Variants in KDM4C observed in about 807,000 individuals in gnomAD.
KDM4C encodes the protein lysine-specific demethylase 4C.
In KDM4C, 81 loss-of-function variants were observed where a neutral mutation model predicts 129.3. That is an observed-to-expected ratio of 0.63 (90% CI 0.52 to 0.75). The LOEUF is 0.75. KDM4C is among the 30% of genes least tolerant of loss of function. The pLI is 0.00. For synonymous variants in KDM4C, 573 were observed against 456.1 expected (o/e 1.26, Z -3.26); for missense variants, 1,457 against 1,304.0 (o/e 1.12, Z -1.81).
chr9:6,904,462 T>G (rs892177921), intron 8 of KDM4C, among the ~76,000 whole-genome samples: 2 of 151,714 alleles, frequency 1.3e-5, no homozygotes, highest in African/African-American at 4.8e-5. Context: ...TAAGAGTTCA[T>G]TGCACAGATC....
chr9:7,062,241 T>TA, intron 17 of KDM4C, among the ~76,000 whole-genome samples: 1 of 152,344 alleles, frequency 6.6e-6, no homozygotes. Context: ...GTGCTGGGAT[T>TA]ACAGGTGTGA....
At chr9:6,928,215 C>G (rs62533761) in intron 8 of KDM4C, among the ~76,000 whole-genome samples, 2 of 152,224 alleles carry the variant, frequency 1.3e-5, no homozygotes, top group African/African-American at 2.4e-5. Context: ...CTATACTCAC[C>G]TTGTTTTCTT....
rs544790811 is a variant in KDM4C, at chr9:6,847,523, TG to T, written c.436-1981del. Among the ~76,000 whole-genome samples, 16 of 152,212 alleles carry T rather than the reference TG, an allele frequency of 1.1e-4. No individual in the cohort carries two copies. In the South Asian group the frequency reaches 2.9e-3, roughly 28 times the overall value. On this transcript the variant is annotated intron_variant, in intron 4 of 21. Transcript: ENST00000381309. ...CTCCTGCCTCAGCCTCCCGAGTGGC[TG>T]GGACTACAGACGCCCGCCACCAGGC...
In KDM4C at chr9:7,006,913, C is replaced by G. The variant is rs1347533515; in HGVS notation, c.1787-4785C>G. Among the ~76,000 whole-genome samples, 4 of 151,982 alleles carry G rather than the reference C, an allele frequency of 2.6e-5. No individual in the cohort carries two copies. In the East Asian group the frequency reaches 7.7e-4, roughly 29 times the overall value. On this transcript the variant is annotated intron_variant, in intron 12 of 21. Transcript: ENST00000381309. ...CAGGAGTTTCATCTATAGGCAAGTT[C>G]GTTTATAAAATGAAACAGTTTATAA...
intron 19 of KDM4C, among the ~76,000 whole-genome samples, chr9:7,145,752 A>G (rs1289368805): frequency 6.6e-6 from 1 of 152,238 alleles, no homozygotes; most frequent in Non-Finnish European, 1.5e-5. Context: ...TCTTTCGCTT[A>G]AGTTTCTTAA....
At chr9:6,764,449 T>G (rs1460770906) in intron 1 of KDM4C, among the ~76,000 whole-genome samples, 1 of 152,122 alleles carries the variant, frequency 6.6e-6, no homozygotes, top group African/African-American at 2.4e-5. Flanking sequence ...TTTTGATGGG[T>G]GGTATATTTT....
chr9:6,746,043 T>C (rs1248537546), intron 1 of KDM4C, among the ~76,000 whole-genome samples: 2 of 151,798 alleles, frequency 1.3e-5, no homozygotes, highest in Non-Finnish European at 2.9e-5. Flanking sequence ...CAACCTCAGG[T>C]GATCCGCCTG....
chr9:6,893,797 A>G (rs940841088), intron 8 of KDM4C, among the ~76,000 whole-genome samples: 40 of 152,210 alleles, frequency 2.6e-4, no homozygotes, highest in African/African-American at 9.4e-4. Flanking sequence ...TGCCCAGTGT[A>G]TTTAATTTAG....
chr9:6,734,232 C>T (rs1259324873), intron 1 of KDM4C, among the ~76,000 whole-genome samples: 3 of 151,082 alleles, frequency 2.0e-5, no homozygotes, highest in Non-Finnish European at 4.4e-5. Context: ...TAGGCTGCTA[C>T]CTGGATAAGT....
At chr9:6,957,965 G>A (rs1829365581) in intron 8 of KDM4C, among the ~76,000 whole-genome samples, 1 of 152,184 alleles carries the variant, frequency 6.6e-6, no homozygotes, top group African/African-American at 2.4e-5. Context: ...TGAGGGCCAT[G>A]GAGAAGTTGG....
At chr9:7,010,942 G>T (rs1486311305) in intron 12 of KDM4C, among the ~76,000 whole-genome samples, 1 of 152,100 alleles carries the variant, frequency 6.6e-6, no homozygotes, top group Non-Finnish European at 1.5e-5. Flanking sequence ...TACTCAGAAG[G>T]CTGAGGCGGT....
chr9:6,780,840 G>C (rs1824187779), intron 1 of KDM4C, among the ~76,000 whole-genome samples: 1 of 147,412 alleles, frequency 6.8e-6, no homozygotes, highest in South Asian at 2.1e-4. Flanking sequence ...GTAGATTTCA[G>C]CTCTCCAGAA....
At chr9:6,881,784 A>G (rs1287145389) in intron 6 of KDM4C, among the ~76,000 whole-genome samples, 1 of 152,228 alleles carries the variant, frequency 6.6e-6, no homozygotes, top group Non-Finnish European at 1.5e-5. Context: ...TAAAGCAGGG[A>G]AAAGACCCTG....
In KDM4C at chr9:7,017,590, A is replaced by T. The variant is rs555413603; in HGVS notation, c.2259+1661A>T. On this transcript the variant is annotated intron_variant, in intron 15 of 21. Coordinates refer to ENST00000381309, the MANE Select transcript of KDM4C (RefSeq NM_015061.6). Reference sequence around the variant, plus strand: ...TGCCATTTGATTAAGTTTTACCTTAATTTTTCTTAAAAATTGTCTTTCAAG... The same window carrying T: ...TGCCATTTGATTAAGTTTTACCTTATTTTTTCTTAAAAATTGTCTTTCAAG... Among the ~76,000 whole-genome samples, 25 of 152,222 alleles carry T rather than the reference A, an allele frequency of 1.6e-4. No homozygotes were observed. In the South Asian group the frequency reaches 2.1e-3, roughly 13 times the overall value.
At chr9:6,893,033 A>T (rs1588967373) in intron 7 of KDM4C, 62 bp from the exon 8 acceptor site, 2 of 1,239,154 alleles carry the variant, frequency 1.6e-6, no homozygotes, top group East Asian at 2.7e-5. Context: ...ATATATTTTA[A>T]TTGTATTCAT....
chr9:6,725,909 C>CTTTCT (rs1218332217), intron 1 of KDM4C, among the ~76,000 whole-genome samples: 1 of 133,986 alleles, frequency 7.5e-6, no homozygotes, highest in Non-Finnish European at 1.6e-5. Flanking sequence ...GATGGGGTTT[C>CTTTCT]TTTCTTTTCT....
At chr9:6,856,903 G>A (rs1035981178) in intron 5 of KDM4C, among the ~76,000 whole-genome samples, 13 of 151,694 alleles carry the variant, frequency 8.6e-5, no homozygotes, top group Admixed American at 2.0e-4. Context: ...GACTACAGGC[G>A]CCCGCCACCG....
intron 17 of KDM4C, among the ~76,000 whole-genome samples, chr9:7,074,765 T>C (rs1833691680): frequency 6.6e-6 from 1 of 152,220 alleles, no homozygotes; most frequent in Non-Finnish European, 1.5e-5. Context: ...TGAGCCTTTT[T>C]GGCTGCTGTA....
At chr9:6,886,190 C>T (rs557925076) in intron 6 of KDM4C, among the ~76,000 whole-genome samples, 1 of 152,284 alleles carries the variant, frequency 6.6e-6, no homozygotes, top group African/African-American at 2.4e-5. Context: ...TCTTACTTTC[C>T]CTCCACTCAC....
Sources: gnomAD v4.1 joint callset for allele counts (sites outside exome capture counted in the v4.1 genomes callset) on GRCh38, gnomAD v4.1.1 for gene constraint, MANE v1.5 for transcripts, NCBI Gene and HGNC (gene_info 2026-07-23, HGNC 2026-07-21) for gene names.